Variants in ELMO1 observed in about 807,000 individuals in gnomAD.
ELMO1 encodes engulfment and cell motility 1.
ELMO1 carries 26 observed loss-of-function variants against 98.9 expected under a neutral mutation model. The observed-to-expected ratio is 0.26, with a 90% CI of 0.19 to 0.36. The LOEUF is 0.36. Among genes scored for constraint, ELMO1 ranks in the 10% least tolerant of loss-of-function variants. The probability of loss-of-function intolerance (pLI) is 1.00; values close to 1 mark genes in which losing one functional copy is unlikely to be tolerated. For synonymous variants in ELMO1, 346 were observed against 346.0 expected (o/e 1.00, Z 0.00); for missense variants, 627 against 935.2 (o/e 0.67, Z 4.30).
chr7:37,233,901 G>A (rs1469865563), intron 7 of ELMO1, among the ~76,000 whole-genome samples: 1 of 152,160 alleles, frequency 6.6e-6, no homozygotes, highest in Admixed American at 6.5e-5. Context: ...GACTTGCTGA[G>A]ATTCAGTAGG....
chr7:37,437,166 T>A (rs1805185719), intron 1 of ELMO1, among the ~76,000 whole-genome samples: 1 of 152,204 alleles, frequency 6.6e-6, no homozygotes, highest in African/African-American at 2.4e-5. Context: ...TCCTTCACTG[T>A]TACTCCAATG....
chr7:37,391,110 A>G (rs1583673663), intron 1 of ELMO1, among the ~76,000 whole-genome samples: 1 of 115,154 alleles, frequency 8.7e-6, no homozygotes, highest in Non-Finnish European at 1.7e-5. Flanking sequence ...CTCTTTCTTT[A>G]CTTCTTTCTT....
chr7:37,436,141 G>C (rs950470319), intron 1 of ELMO1, among the ~76,000 whole-genome samples: 1 of 152,146 alleles, frequency 6.6e-6, no homozygotes, highest in African/African-American at 2.4e-5. Flanking sequence ...TAGATATTTT[G>C]GTAAGAACAT....
intron 12 of ELMO1, among the ~76,000 whole-genome samples, chr7:37,212,638 C>T (rs1280562436): frequency 6.6e-6 from 1 of 152,212 alleles, no homozygotes; most frequent in Non-Finnish European, 1.5e-5. Flanking sequence ...GGCAGCTACA[C>T]ACTTCACATA....
intron 13 of ELMO1, among the ~76,000 whole-genome samples, chr7:37,166,413 C>G (rs1003598795): frequency 6.6e-6 from 1 of 152,046 alleles, no homozygotes; most frequent in African/African-American, 2.4e-5. Flanking sequence ...TTTTCTAGTT[C>G]TTTTAATTGT....
intron 15 of ELMO1, among the ~76,000 whole-genome samples, chr7:37,080,546 T>C (rs1219692500): frequency 6.8e-6 from 1 of 147,152 alleles, no homozygotes; most frequent in African/African-American, 2.5e-5. Context: ...CAAGCGATTC[T>C]CCCACCTCAG....
intron 16 of ELMO1, among the ~76,000 whole-genome samples, chr7:36,953,839 T>TTGTGTGTGTGTGTGTG (rs10522376): frequency 1.5e-5 from 2 of 136,188 alleles, no homozygotes; most frequent in African/African-American, 2.7e-5. Flanking sequence ...TGGGTATGTT[T>TTGTGTGTGTGTGTGTG]TGTGTGTGTG....
At chr7:36,950,835 T>G (rs1452935560) in intron 16 of ELMO1, among the ~76,000 whole-genome samples, 2 of 152,070 alleles carry the variant, frequency 1.3e-5, no homozygotes, top group Admixed American at 1.3e-4. Flanking sequence ...ATGAAGCTGT[T>G]TACAGTGGGA....
intron 1 of ELMO1, among the ~76,000 whole-genome samples, chr7:37,428,916 C>A (rs1804817058): frequency 6.6e-6 from 1 of 152,188 alleles, no homozygotes; most frequent in South Asian, 2.1e-4. Context: ...TGGGATGGTG[C>A]CACCCAGAAC....
At chr7:37,294,689 A>G (rs1049666901) in intron 4 of ELMO1, among the ~76,000 whole-genome samples, 1 of 152,216 alleles carries the variant, frequency 6.6e-6, no homozygotes, top group Non-Finnish European at 1.5e-5. Flanking sequence ...TGTTTTATTT[A>G]TGTCATGGGA....
At chr7:37,129,587 C>T (rs1489119008) in intron 14 of ELMO1, among the ~76,000 whole-genome samples, 4 of 152,188 alleles carry the variant, frequency 2.6e-5, no homozygotes, top group Admixed American at 1.3e-4. Context: ...GCAGAAACCT[C>T]CCTCTTCCTC....
Position 37,004,652 on chromosome 7 carries a change from T to C in ELMO1, c.1437+8647A>G, listed in dbSNP as rs138080103. Among the ~76,000 whole-genome samples the C allele has an allele frequency of 1.7e-3, 255 of 152,336 alleles. 2 individuals are homozygous for C. Among genetic ancestry groups the C allele is most frequent in the Non-Finnish European group, 2.5e-3 (169 of 68,034 alleles). ...AATACCCAAGAAGTATATTTACTAC[T>C]GTCAGGCTTATTCAAAATGGTAAGA... On this transcript the variant is annotated intron_variant, in intron 16 of 21. Coordinates refer to ENST00000310758, the MANE Select transcript of ELMO1 (RefSeq NM_014800.11).
chr7:37,177,343 G>C (rs1790552248), intron 13 of ELMO1, among the ~76,000 whole-genome samples: 1 of 151,998 alleles, frequency 6.6e-6, no homozygotes, highest in Non-Finnish European at 1.5e-5. Context: ...ATGAGCACAA[G>C]AAAGTACAAA....
chr7:37,324,327 T>C (rs569882135), intron 2 of ELMO1, among the ~76,000 whole-genome samples: 4 of 152,248 alleles, frequency 2.6e-5, no homozygotes, highest in South Asian at 4.1e-4. Context: ...TTTTAGCCAC[T>C]ATGGAGCATG....
At chr7:37,120,027 T>A (rs1012134560) in intron 14 of ELMO1, among the ~76,000 whole-genome samples, 3 of 152,354 alleles carry the variant, frequency 2.0e-5, no homozygotes, top group Middle Eastern at 3.4e-3. Flanking sequence ...AACAAACAGT[T>A]TCCAAGATTT....
chr7:37,092,915 CT>C (rs79327023), intron 15 of ELMO1, among the ~76,000 whole-genome samples: 578 of 136,830 alleles, frequency 4.2e-3, no homozygotes, highest in Middle Eastern at 7.8e-3. Context: ...CTTTCTTTTT[CT>C]TTTTTTTTTT....
At chr7:36,927,019 C>A (rs2129080174) in intron 16 of ELMO1, among the ~76,000 whole-genome samples, 1 of 152,278 alleles carries the variant, frequency 6.6e-6, no homozygotes, top group African/African-American at 2.4e-5. Flanking sequence ...AGATACCCAG[C>A]CTTTTAGTTT....
chr7:37,401,748 C>T (rs924822420), intron 1 of ELMO1, among the ~76,000 whole-genome samples: 1 of 152,048 alleles, frequency 6.6e-6, no homozygotes, highest in African/African-American at 2.4e-5. Flanking sequence ...TCAATTACCT[C>T]CTAGTAGGTC....
At chr7:37,361,513 A>T (rs918450041) in intron 1 of ELMO1, among the ~76,000 whole-genome samples, 1 of 152,202 alleles carries the variant, frequency 6.6e-6, no homozygotes, top group East Asian at 1.9e-4. Context: ...TCCTACAAAG[A>T]CCATCCCGCC....
Sources: allele counts gnomAD v4.1 joint callset (sites outside exome capture counted in the v4.1 genomes callset), GRCh38; gene constraint gnomAD v4.1.1; transcripts MANE v1.5; gene names NCBI Gene and HGNC (gene_info 2026-07-23, HGNC 2026-07-21).